Variants in EIF2AK4 observed in about 807,000 individuals in gnomAD.
EIF2AK4 encodes the protein eIF-2-alpha kinase GCN2.
EIF2AK4 carries 139 observed loss-of-function variants against 211.1 expected under a neutral mutation model. The ratio of observed to expected loss-of-function variants is 0.66; its 90% CI spans 0.57 to 0.76. EIF2AK4 has a LOEUF of 0.76. Among genes scored for constraint, EIF2AK4 ranks in the 30% least tolerant of loss-of-function variants. EIF2AK4 has a pLI of 0.00. For missense variants in EIF2AK4, 1,664 were observed against 2,043.8 expected, an observed-to-expected ratio of 0.81 and a Z score of 3.58; for synonymous variants, 710 against 751.3, an observed-to-expected ratio of 0.94 and a Z score of 0.90.
chr15:40,009,069 T>TTTTTGTTTTGTTTTGTTTTG (rs57240792), intron 25 of EIF2AK4, among the ~76,000 whole-genome samples: 132 of 146,784 alleles, frequency 9.0e-4, no homozygotes, highest in African/African-American at 2.9e-3. Context: ...GTCAGAGTTG[T>TTTTTGTTTTGTTTTGTTTTG]TTTTGTTTTG....
In EIF2AK4 at chr15:39,949,206, G is replaced by C. The variant is rs1426344747; in HGVS notation, c.451G>C (p.Glu151Gln). 6.2e-7 allele frequency: 1 copy of C among 1,613,998 alleles called. No homozygotes were observed. The highest frequency in any genetic ancestry group is 2.2e-5 in the East Asian group (1 of 44,898). Residue 151 changes from glutamate (E) to glutamine (Q), a missense_variant, in exon 4 of 39, where the codon GAA becomes CAA. Transcript: ENST00000263791. Reference protein sequence around the residue: ...PPKSFHEEMLERRAQEEQQRL... With the variant: ...PPKSFHEEMLQRRAQEEQQRL... The stretch of plus-strand genomic sequence containing the variant: ...CAAGTCTTTTCATGAAGAAATGCTG[G>C]AAAGGCGGGCTCAGGAGGAGCAGCA...
chr15:39,970,086 C>T (rs2034602310), intron 9 of EIF2AK4, among the ~76,000 whole-genome samples: 1 of 152,198 alleles, frequency 6.6e-6, no homozygotes, highest in South Asian at 2.1e-4. Context: ...CATAAAGTGC[C>T]TGGCACTTGG....
chr15:40,029,247 A>G, intron 33 of EIF2AK4, 159 bp from the exon 34 acceptor site: 4 of 957,926 alleles, frequency 4.2e-6, no homozygotes, highest in Non-Finnish European at 5.0e-6. Flanking sequence ...AAGCATAACT[A>G]AATGCAAATT....
chr15:39,995,239 C>T (rs1235671557), intron 18 of EIF2AK4, among the ~76,000 whole-genome samples: 1 of 152,066 alleles, frequency 6.6e-6, no homozygotes, highest in Non-Finnish European at 1.5e-5. Flanking sequence ...CTATTTTATT[C>T]TTGGTGCTTT....
chr15:40,019,917 T>C (rs999932947), intron 30 of EIF2AK4, among the ~76,000 whole-genome samples: 18 of 152,132 alleles, frequency 1.2e-4, no homozygotes, highest in Non-Finnish European at 7.4e-5. Flanking sequence ...CCCAGCACTT[T>C]GGAAGGTCGA....
intron 14 of EIF2AK4, 104 bp from the exon 15 acceptor site, chr15:39,987,879 A>G: frequency 7.4e-7 from 1 of 1,347,854 alleles, no homozygotes; most frequent in Non-Finnish European, 1.0e-6. Context: ...ACCGTTTAAA[A>G]CCCATGGTAC....
chr15:39,960,033 G>A (rs1157200771), intron 6 of EIF2AK4, among the ~76,000 whole-genome samples: 6 of 152,044 alleles, frequency 3.9e-5, no homozygotes, highest in East Asian at 1.9e-4. Flanking sequence ...GCATGGTGGC[G>A]GGGGCCTATA....
In EIF2AK4 at chr15:40,035,161, A is replaced by AT; in HGVS notation, c.*78dup. ...AATAATGGAATGTTGTACATTCATC[A>AT]TAATTTAAAATTAAATTCTAAGAAG... On this transcript the variant is annotated 3_prime_UTR_variant, in exon 39 of 39. Transcript: ENST00000263791. 3 of 1,142,502 alleles carry AT rather than the reference A, an allele frequency of 2.6e-6. No homozygotes were observed. The highest frequency in any genetic ancestry group is 3.6e-6 in the Non-Finnish European group (3 of 830,724). The allele number at this position is 1,142,502 out of a possible 1,614,324, so 70.8% of individuals were successfully genotyped here. A position where few individuals can be genotyped will look rare whatever the true frequency, so the allele number is the denominator to read the frequency against.
At chr15:40,029,059 TTA>T (rs1439229039) in intron 33 of EIF2AK4, among the ~76,000 whole-genome samples, 2 of 152,224 alleles carry the variant, frequency 1.3e-5, no homozygotes, top group Non-Finnish European at 2.9e-5. Context: ...GGGGCTGCTG[TTA>T]TTCATGTTTC....
At chr15:40,033,400 AT>A (rs1413436920) in intron 37 of EIF2AK4, among the ~76,000 whole-genome samples, 1 of 152,164 alleles carries the variant, frequency 6.6e-6, no homozygotes, top group Non-Finnish European at 1.5e-5. Flanking sequence ...ATATATATAT[AT>A]TTTTACAGGT....
At position 39,955,745 on chromosome 15, in the gene EIF2AK4, G is replaced by A; in HGVS notation, c.720G>A (p.Arg240=). ...SPDFVGNGKH[R]ANSSGRSRRE... ...ACTTTGTAGGAAATGGTAAACATCG[G>A]GCAAACTCCTCAGGAAGGTCTAGGT... The change falls in exon 6 of 39, where the codon CGG becomes CGA. Residue 240 remains arginine (R), a synonymous_variant. Coordinates refer to ENST00000263791, the MANE Select transcript of EIF2AK4 (RefSeq NM_001013703.4). 1 of 1,611,368 alleles carries A rather than the reference G, an allele frequency of 6.2e-7. No individual in the cohort carries two copies. The highest frequency in any genetic ancestry group is 8.5e-7 in the Non-Finnish European group (1 of 1,179,160).
chr15:39,943,629 A>G (rs1166848927), intron 3 of EIF2AK4, 144 bp downstream of exon 3: 7 of 675,666 alleles, frequency 1.0e-5, no homozygotes, highest in Non-Finnish European at 1.7e-5. Flanking sequence ...AGGATTAATG[A>G]AATTTGTAGT....
At position 40,035,366 on chromosome 15, in the gene EIF2AK4, A is replaced by G. The variant is rs1425950360; in HGVS notation, c.*282A>G. 9.5e-5 allele frequency: 19 copies of G among 200,016 alleles called. 1 individual carries two copies. The East Asian group carries it at 2.3e-3, about 24-fold the overall frequency. The allele number at this position is 200,016 out of a possible 1,614,324, so 12.4% of individuals were successfully genotyped here. ...ATGCCTGTAGTCCCAGCTACTCCAG[A>G]GGCTGAGATGGATCATCTGAGCCTC... On this transcript the variant is annotated 3_prime_UTR_variant, in exon 39 of 39. Coordinates refer to ENST00000263791, the MANE Select transcript of EIF2AK4 (RefSeq NM_001013703.4).
chr15:39,972,841 G>T, intron 9 of EIF2AK4, 67 bp from the exon 10 acceptor site: 1 of 1,233,060 alleles, frequency 8.1e-7, no homozygotes, highest in Non-Finnish European at 1.2e-6. Flanking sequence ...CATAGTTAAT[G>T]CCTTGGATTA....
intron 3 of EIF2AK4, among the ~76,000 whole-genome samples, chr15:39,945,031 T>C (rs944699367): frequency 3.3e-5 from 5 of 152,234 alleles, no homozygotes; most frequent in Non-Finnish European, 7.3e-5. Context: ...TCCAAAGTTC[T>C]TTCTAGTACA....
At position 40,032,784 on chromosome 15, in the gene EIF2AK4, C is replaced by T; in HGVS notation, c.4756C>T (p.Gln1586Ter). 1 of 1,613,442 alleles carries T rather than the reference C, an allele frequency of 6.2e-7. No individual in the cohort carries two copies. Among genetic ancestry groups the T allele is most frequent in the East Asian group, 2.2e-5 (1 of 44,836 alleles). The change falls in exon 37 of 39, where the codon CAG becomes TAG. Residue 1586 changes from glutamine (Q) to a stop codon, truncating the protein, a stop_gained. Coordinates refer to ENST00000263791, the MANE Select transcript of EIF2AK4 (RefSeq NM_001013703.4). LOFTEE classifies it high-confidence loss of function. ...GGATCTACCCAAAGAAACAATATTA[C>T]AGTTTTTATCATTAGAGGTAAGCAA... ...AVDLPKETIL[Q>*]FLSLEWDADE...
intron 30 of EIF2AK4, 60 bp downstream of exon 30, chr15:40,019,260 A>T: frequency 7.3e-7 from 1 of 1,363,684 alleles, no homozygotes; most frequent in Non-Finnish European, 9.9e-7. Flanking sequence ...TAAAAGTATG[A>T]TTTGCCTTTT....
intron 13 of EIF2AK4, among the ~76,000 whole-genome samples, chr15:39,984,145 A>G (rs2034832609): frequency 6.6e-6 from 1 of 152,188 alleles, no homozygotes; most frequent in Non-Finnish European, 1.5e-5. Context: ...CAGGTTTGTC[A>G]AAGATCAGAT....
intron 12 of EIF2AK4, chr15:39,977,545 T>C (rs1376347689): frequency 6.6e-6 from 1 of 152,230 alleles, no homozygotes; most frequent in African/African-American, 2.4e-5. Flanking sequence ...AAGGATTTTT[T>C]TTCCCGCTAT....
Sources: allele counts gnomAD v4.1 joint callset (sites outside exome capture counted in the v4.1 genomes callset), GRCh38; gene constraint gnomAD v4.1.1; transcripts MANE v1.5; gene names NCBI Gene and HGNC (gene_info 2026-07-23, HGNC 2026-07-21).